Variants in SGCA observed in about 807,000 individuals in gnomAD.
SGCA encodes the protein sarcoglycan alpha.
SGCA carries 34 observed loss-of-function variants against 38.1 expected under a neutral mutation model. That is an observed-to-expected ratio of 0.89 (90% CI 0.68 to 1.19). The LOEUF (loss-of-function observed/expected upper bound fraction) is 1.19, where lower values mean the gene tolerates loss of function less well. Ranked by LOEUF, SGCA falls within the 50% of genes most tolerant of loss-of-function variation. The probability of loss-of-function intolerance (pLI) is 0.00; values close to 1 mark genes in which losing one functional copy is unlikely to be tolerated. For missense variants in SGCA, 476 were observed against 524.9 expected (o/e 0.91, Z 0.91); for synonymous variants, 209 against 214.6 (o/e 0.97, Z 0.23).
Position 50,169,466 on chromosome 17 carries a change from C to T in SGCA, c.747+212C>T, listed in dbSNP as rs2696295. ...ACACACCCCTGAAGTTCTACCTTTC[C>T]CCCACAAGAGGGCAACAGAGTCCGC... On this transcript the variant is annotated intron_variant, in intron 6 of 9. Coordinates refer to ENST00000262018, the MANE Select transcript of SGCA (RefSeq NM_000023.4). 325,941 of 546,132 alleles carry T rather than the reference C, an allele frequency of 0.6. 98,238 individuals carry two copies. The highest frequency in any genetic ancestry group is 0.64 in the Middle Eastern group (1,314 of 2,040). 33.8% of individuals were successfully genotyped at this position (546,132 alleles called of 1,614,324 possible). A position where few individuals can be genotyped will look rare whatever the true frequency, so the allele number is the denominator to read the frequency against.
rs780200261 is a variant in SGCA at position 50,170,657 on chromosome 17, C to T, written c.974C>T (p.Ala325Val). The T allele has an allele frequency of 5.1e-6, 8 of 1,560,980 alleles. No individual in the cohort carries two copies. The highest frequency in any genetic ancestry group is 6.9e-6 in the Non-Finnish European group (8 of 1,151,358). The stretch of plus-strand genomic sequence containing the variant: ...TTCCACAGGCTGAAGAGAGACCTGG[C>T]TACCTCCGAGTGAGTAAAGGAAAGC... ...RREGRLKRDL[A>V]TSDIQMVHHC... Residue 325 changes from alanine (A) to valine (V), a missense_variant, in exon 8 of 10, where the codon GCT becomes GTT. Coordinates refer to ENST00000262018, the MANE Select transcript of SGCA (RefSeq NM_000023.4).
Position 50,170,664 on chromosome 17 carries a change from CG to C in SGCA, c.982del (p.Asp328ThrfsTer89). 6.4e-7 allele frequency: 1 copy of C among 1,560,140 alleles called. No individual in the cohort carries two copies. The highest frequency in any genetic ancestry group is 1.2e-5 in the South Asian group (1 of 84,780). Reference sequence around the variant, plus strand: ...GGCTGAAGAGAGACCTGGCTACCTCCGAGTGAGTAAAGGAAAGCTGGGGGTG... The same window carrying C: ...GGCTGAAGAGAGACCTGGCTACCTCCAGTGAGTAAAGGAAAGCTGGGGGTG... ...GRLKRDLATS[D>X]IQMVHHCTIH... On this transcript the variant is annotated frameshift_variant and splice_region_variant, in exon 8 of 10. Coordinates refer to ENST00000262018, the MANE Select transcript of SGCA (RefSeq NM_000023.4). LOFTEE classifies it high-confidence loss of function.
intron 6 of SGCA, 168 bp downstream of exon 6, chr17:50,169,422 C>CAT (rs1476816110): frequency 1.7e-6 from 1 of 583,322 alleles, no homozygotes; most frequent in Admixed American, 3.0e-5. Flanking sequence ...GATACACACA[C>CAT]ACACACACAC....
chr17:50,170,882 A>C (rs1386044679), intron 8 of SGCA, among the ~76,000 whole-genome samples: 1 of 152,114 alleles, frequency 6.6e-6, no homozygotes, highest in Non-Finnish European at 1.5e-5. Context: ...CAACACAGTG[A>C]GACCCCATCT....
intron 8 of SGCA, 105 bp downstream of exon 8, chr17:50,170,771 A>G: frequency 1.1e-6 from 1 of 944,946 alleles, no homozygotes; most frequent in Non-Finnish European, 1.7e-6. Flanking sequence ...AAATAACTCC[A>G]GGGTGATGCT....
Position 50,167,279 on chromosome 17 carries a change from G to A in SGCA, c.38-89G>A. The A allele has an allele frequency of 3.8e-6, 6 of 1,588,008 alleles. No homozygotes were observed. The South Asian group carries it at 5.6e-5, about 15-fold the overall frequency. On this transcript the variant is annotated intron_variant, in intron 1 of 9. Transcript: ENST00000262018. The surrounding 1 kb of genome is among the most constrained non-coding windows in gnomAD (Gnocchi z 4.5). ...GAAGCGCTTCTCTCGGTCCCTTAGG[G>A]GCTCCAAGGACTTGGTGGGGAAGGG...
chr17:50,171,943 A>G (rs1445350011), intron 8 of SGCA: 6 of 456,618 alleles, frequency 1.3e-5, no homozygotes, highest in African/African-American at 6.0e-5. Flanking sequence ...TGCTAGGGAC[A>G]CGCTGCCCTG....
rs1269493535 is a variant in SGCA at position 50,167,715 on chromosome 17, T to C, written c.291T>C (p.Asp97=). 1.2e-6 allele frequency: 2 copies of C among 1,611,980 alleles called. No individual in the cohort carries two copies. Among genetic ancestry groups the C allele is most frequent in the East Asian group, 2.2e-5 (1 of 44,806 alleles). The change falls in exon 3 of 10, where the codon GAT becomes GAC. Residue 97 remains aspartate, a synonymous_variant. Transcript: ENST00000262018. This position sits in a 1 kb window ranked among gnomAD's most constrained non-coding sequence, Gnocchi z 4.5. ...TCTACGGCTCTGCCACCCCAGAAGA[T>C]CGTGGGCTCCAGGTCATTGAGGTGC... The part of the protein sequence containing the change: ...GFLYGSATPE[D]RGLQVIEVTA...
intron 8 of SGCA, chr17:50,171,738 C>T (rs1156596822): frequency 2.2e-6 from 1 of 456,858 alleles, no homozygotes; most frequent in Non-Finnish European, 4.4e-6. Flanking sequence ...CCCTTGTCCA[C>T]CAGCCCCTTG....
At position 50,175,863 on chromosome 17, in the gene SGCA, G is replaced by A. The variant is rs1317747487; in HGVS notation, c.*164G>A. ...GTGGGGTGGGGTGAGAGTGTGTGGAGTAAGGACATTCAGAATAAATATCTG... is the reference window on the plus strand; with the variant it reads ...GTGGGGTGGGGTGAGAGTGTGTGGAATAAGGACATTCAGAATAAATATCTG... On this transcript the variant is annotated 3_prime_UTR_variant, in exon 10 of 10. Coordinates refer to ENST00000262018, the MANE Select transcript of SGCA (RefSeq NM_000023.4). 1 of 467,204 alleles carries A rather than the reference G, an allele frequency of 2.1e-6. No individual in the cohort carries two copies. The highest frequency in any genetic ancestry group is 1.5e-5 in the South Asian group (1 of 64,656). 28.9% of individuals were successfully genotyped at this position (467,204 alleles called of 1,614,324 possible). A position where few individuals can be genotyped will look rare whatever the true frequency, so the allele number is the denominator to read the frequency against.
In SGCA at chr17:50,169,090, AG is replaced by A. The variant is rs1220674950; in HGVS notation, c.586del. On this transcript the variant is annotated splice_acceptor_variant, in intron 5 of 9. Transcript: ENST00000262018. LOFTEE classifies it high-confidence loss of function. ...CTGACAGTGACTTCTATCTGGTCCC[AG>A]GGTATACATTAAGGTGGGTTCTGCC... 3.1e-6 allele frequency: 5 copies of A among 1,613,590 alleles called. No homozygotes were observed. Among genetic ancestry groups the A allele is most frequent in the Non-Finnish European group, 4.2e-6 (5 of 1,179,954 alleles).
intron 5 of SGCA, among the ~76,000 whole-genome samples, 185 bp from the exon 6 acceptor site, chr17:50,168,907 G>A (rs1350323538): frequency 6.6e-6 from 1 of 151,900 alleles, no homozygotes; most frequent in African/African-American, 2.4e-5. Context: ...TCTCTGGGAG[G>A]ACTGTGACTC....
intron 6 of SGCA, chr17:50,169,586 G>A (rs182587544): frequency 2.7e-6 from 1 of 371,208 alleles, no homozygotes; most frequent in Non-Finnish European, 4.9e-6. Flanking sequence ...CCCTACCAAG[G>A]GCCTCTGCGT....
chr17:50,166,548 C>A (rs1156473092), intron 1 of SGCA, among the ~76,000 whole-genome samples: 1 of 151,910 alleles, frequency 6.6e-6, no homozygotes, highest in Non-Finnish European at 1.5e-5. Flanking sequence ...TCTCCAGGCC[C>A]AGAATGGCTA....
Position 50,169,154 on chromosome 17 carries a change from C to T in SGCA, c.647C>T (p.Pro216Leu), listed in dbSNP as rs1267005327. The T allele has an allele frequency of 6.2e-7, 1 of 1,613,966 alleles. No individual in the cohort carries two copies. Among genetic ancestry groups the T allele is most frequent in the Admixed American group, 1.7e-5 (1 of 60,016 alleles). Residue 216 changes from proline to leucine, a missense_variant, in exon 6 of 10, where the codon CCC becomes CTC. Physicochemically the swap from Pro to Leu is moderately conservative, Grantham distance 98. Transcript: ENST00000262018. ...ACTTGCCTGAAGATGGTGGCATCCCCCGATAGCCACGCCCGCTGTGCCCAG... is the reference window on the plus strand; with the variant it reads ...ACTTGCCTGAAGATGGTGGCATCCCTCGATAGCCACGCCCGCTGTGCCCAG... ...FSTCLKMVASPDSHARCAQGQ... is the reference protein window; with the variant it reads ...FSTCLKMVASLDSHARCAQGQ...
intron 1 of SGCA, among the ~76,000 whole-genome samples, chr17:50,166,946 C>T (rs1203064986): frequency 7.8e-6 from 1 of 128,104 alleles, no homozygotes; most frequent in East Asian, 2.5e-4. Context: ...CACACCCTCA[C>T]ACACACCCTC....
intron 8 of SGCA, chr17:50,171,474 C>T (rs1461436475): frequency 8.8e-6 from 4 of 456,294 alleles, no homozygotes; most frequent in East Asian, 1.4e-4. Flanking sequence ...GAGCCAATGG[C>T]GGTCTTGGCA....
Position 50,166,080 on chromosome 17 carries a change from A to G in SGCA, c.37+3A>G, listed in dbSNP as rs1370709181. Reference sequence around the variant, plus strand: ...CTTCTGGACTCCTCTCCTCGTGGGCAAGTTGGGGCCTTGTTCAGCGGGGAG... The same window carrying G: ...CTTCTGGACTCCTCTCCTCGTGGGCGAGTTGGGGCCTTGTTCAGCGGGGAG... On this transcript the variant is annotated splice_donor_region_variant and intron_variant, in intron 1 of 9. Coordinates refer to ENST00000262018, the MANE Select transcript of SGCA (RefSeq NM_000023.4). The G allele has an allele frequency of 2.5e-6, 4 of 1,612,914 alleles. No homozygotes were observed. Among genetic ancestry groups the G allele is most frequent in the Non-Finnish European group, 3.4e-6 (4 of 1,179,100 alleles).
In SGCA at chr17:50,167,823, T is replaced by C; in HGVS notation, c.312+87T>C. The C allele has an allele frequency of 6.5e-7, 1 of 1,546,640 alleles. No individual in the cohort carries two copies. ...CCTATGAATTGGGATTGGGTGCTCA[T>C]TCACAGTCATTTACATATAATTTAC... On this transcript the variant is annotated intron_variant, in intron 3 of 9. Transcript: ENST00000262018. This position sits in a 1 kb window ranked among gnomAD's most constrained non-coding sequence, Gnocchi z 4.5.
Sources: allele counts gnomAD v4.1 joint callset (sites outside exome capture counted in the v4.1 genomes callset), GRCh38; gene constraint gnomAD v4.1.1; non-coding constraint Gnocchi (gnomAD v3.1); transcripts MANE v1.5; gene names NCBI Gene and HGNC (gene_info 2026-07-23, HGNC 2026-07-21).